PPIP5K2: variants seen among roughly 807,000 people sequenced by gnomAD.
PPIP5K2 encodes the protein inositol hexakisphosphate and diphosphoinositol-pentakisphosphate kinase 2.
Under a neutral mutation model 154.6 loss-of-function variants are expected in PPIP5K2, and 105 were observed. The observed-to-expected ratio is 0.68, with a 90% CI of 0.58 to 0.80. PPIP5K2 has a LOEUF of 0.80. PPIP5K2 is among the 30% of genes least tolerant of loss of function. The probability of loss-of-function intolerance (pLI) is 0.00; values close to 1 mark genes in which losing one functional copy is unlikely to be tolerated. For missense variants in PPIP5K2, 992 were observed against 1,504.6 expected, an observed-to-expected ratio of 0.66 and a Z score of 5.64; for synonymous variants, 480 against 490.3, an observed-to-expected ratio of 0.98 and a Z score of 0.28.
chr5:103,175,617 G>T (rs146812436), intron 21 of PPIP5K2, among the ~76,000 whole-genome samples: 1 of 152,082 alleles, frequency 6.6e-6, no homozygotes, highest in Non-Finnish European at 1.5e-5. Context: ...CCAGTGCCTT[G>T]TATTCTAATT....
In PPIP5K2 at chr5:103,190,558, C is replaced by G. The variant is rs568347279; in HGVS notation, c.3353-284C>G. ...ACTTGTATTTCTTTGTTTTTTTTTC[C>G]CTAGGTTTTTTAAAGTATTATTCTT... On this transcript the variant is annotated intron_variant, in intron 28 of 30. Transcript: ENST00000358359. Among the ~76,000 whole-genome samples, 20 of 151,078 alleles carry G rather than the reference C, an allele frequency of 1.3e-4. No individual in the cohort carries two copies. The East Asian group carries it at 3.3e-3, about 25-fold the overall frequency.
chr5:103,154,088 A>G (rs1554212249), intron 11 of PPIP5K2, among the ~76,000 whole-genome samples, 154 bp downstream of exon 11: 1 of 151,936 alleles, frequency 6.6e-6, no homozygotes, highest in Non-Finnish European at 1.5e-5. Flanking sequence ...TACAAAATCC[A>G]TTTAAAATAT....
intron 30 of PPIP5K2, among the ~76,000 whole-genome samples, chr5:103,199,650 A>G (rs1395363058): frequency 2.6e-5 from 4 of 152,006 alleles, no homozygotes; most frequent in East Asian, 1.9e-4. Context: ...TAATACTCCA[A>G]AAAAGATGTT....
intron 7 of PPIP5K2, 54 bp downstream of exon 7, chr5:103,148,086 T>C (rs1283613446): frequency 1.6e-6 from 2 of 1,228,226 alleles, no homozygotes; most frequent in Non-Finnish European, 1.2e-6. Context: ...ACCAATGATA[T>C]CAGAAAAAGT....
Position 103,202,053 on chromosome 5 carries a change from TGG to T in PPIP5K2, c.*422_*423del, listed in dbSNP as rs1340980363. On this transcript the variant is annotated 3_prime_UTR_variant, in exon 31 of 31. Transcript: ENST00000358359. ...AAATTTGACAGCCAGGGTTACATATTGGGGACTTTTAAAGTGTCTTTCCAAAG... is the reference window on the plus strand; with the variant it reads ...AAATTTGACAGCCAGGGTTACATATTGGACTTTTAAAGTGTCTTTCCAAAG... 6.4e-6 allele frequency: 1 copy of T among 155,526 alleles called. No homozygotes were observed. Among genetic ancestry groups the T allele is most frequent in the Admixed American group, 6.5e-5 (1 of 15,332 alleles). The allele number at this position is 155,526 out of a possible 1,614,324, so 9.6% of individuals were successfully genotyped here.
chr5:103,180,217 C>T (rs781847779), intron 24 of PPIP5K2, 29 bp downstream of exon 24: 1 of 1,496,944 alleles, frequency 6.7e-7, no homozygotes, highest in South Asian at 1.4e-5. Flanking sequence ...ACACATTTTT[C>T]ATACAGTAAA....
chr5:103,148,112 A>G (rs1296852107), intron 7 of PPIP5K2, 80 bp downstream of exon 7: 26 of 968,032 alleles, frequency 2.7e-5, no homozygotes, highest in African/African-American at 5.0e-5. Flanking sequence ...ATCTTTAGCT[A>G]TATCTAACCT....
intron 5 of PPIP5K2, among the ~76,000 whole-genome samples, chr5:103,142,221 C>T (rs1333257185): frequency 6.6e-6 from 1 of 152,196 alleles, no homozygotes; most frequent in Non-Finnish European, 1.5e-5. Context: ...CAGCGCAGCG[C>T]CGGTGGGCTG....
rs115969144 is a variant in PPIP5K2, at chr5:103,207,578, A to G, written c.*5944A>G. Reference sequence around the variant, plus strand: ...TGAATTATATTTAATTTTAAAGTCTATATATATATATATATAGATCCTATC... The same window carrying G: ...TGAATTATATTTAATTTTAAAGTCTGTATATATATATATATAGATCCTATC... On this transcript the variant is annotated 3_prime_UTR_variant, in exon 31 of 31. Transcript: ENST00000358359. 3 of 148,510 alleles carry G rather than the reference A, an allele frequency of 2.0e-5. No homozygotes were observed. In the South Asian group the frequency reaches 6.3e-4, roughly 31 times the overall value. The allele number at this position is 148,510 out of a possible 1,614,324, so 9.2% of individuals were successfully genotyped here.
chr5:103,132,472 G>A lies in PPIP5K2; in HGVS notation c.115-981G>A, dbSNP rs965066234. Among the ~76,000 whole-genome samples the A allele has an allele frequency of 4.6e-5, 7 of 152,104 alleles. No homozygotes were observed. In the East Asian group the frequency reaches 1.3e-3, roughly 29 times the overall value. On this transcript the variant is annotated intron_variant, in intron 2 of 30. Transcript: ENST00000358359. ...GAGGCAGGAGAATTGCTTGAACCCG[G>A]GAGGCGGAGGTTGCAGTGAGCTGAG...
At chr5:103,192,066 TAA>T (rs1361455935) in intron 29 of PPIP5K2, among the ~76,000 whole-genome samples, 2 of 152,112 alleles carry the variant, frequency 1.3e-5, no homozygotes, top group Non-Finnish European at 2.9e-5. Flanking sequence ...ATATTTTGTC[TAA>T]ATGATACCCC....
At chr5:103,131,175 G>A (rs187105868) in intron 2 of PPIP5K2, among the ~76,000 whole-genome samples, 1 of 152,036 alleles carries the variant, frequency 6.6e-6, no homozygotes, top group African/African-American at 2.4e-5. Flanking sequence ...TTACGTTGCT[G>A]TATATACAGT....
intron 27 of PPIP5K2, among the ~76,000 whole-genome samples, chr5:103,187,011 C>T (rs1800490856): frequency 1.3e-5 from 2 of 152,012 alleles, no homozygotes; most frequent in East Asian, 1.9e-4. Context: ...CTTTCAGGAT[C>T]GTCTTTATTT....
chr5:103,125,840 C>T (rs34790), intron 1 of PPIP5K2, among the ~76,000 whole-genome samples: 4,379 of 152,248 alleles, frequency 0.029, 93 homozygotes, highest in Non-Finnish European at 0.045. Context: ...ACCATGTTGG[C>T]CAGACTGGTC....
In PPIP5K2 at chr5:103,161,052, G is replaced by T. The variant is rs527729258; in HGVS notation, c.1920+1724G>T. Among the ~76,000 whole-genome samples, 16 of 151,114 alleles carry T rather than the reference G, an allele frequency of 1.1e-4. No individual in the cohort carries two copies. The South Asian group carries it at 2.9e-3, about 28-fold the overall frequency. ...TATACATGTGCCATGTTGGTGTGCT[G>T]CACCCATTAACTCGTCATTTACATT... On this transcript the variant is annotated intron_variant, in intron 17 of 30. Coordinates refer to ENST00000358359, the MANE Select transcript of PPIP5K2 (RefSeq NM_001276277.3).
Position 103,129,626 on chromosome 5 carries a change from G to T in PPIP5K2, c.37G>T (p.Asp13Tyr). The T allele has an allele frequency of 6.2e-7, 1 of 1,608,704 alleles. No homozygotes were observed. Among genetic ancestry groups the T allele is most frequent in the Non-Finnish European group, 8.5e-7 (1 of 1,178,474 alleles). The change falls in exon 2 of 31, where the codon GAT becomes TAT. Residue 13 changes from aspartate to tyrosine, a missense_variant. Asp to Tyr is a radical substitution (Grantham distance 160). Coordinates refer to ENST00000358359, the MANE Select transcript of PPIP5K2 (RefSeq NM_001276277.3). ...CCCCAGATTCTTCGTTGGACCAGAA[G>T]ATACAGAAATAAATCCTGGAAATTA... ...EAPRFFVGPE[D>Y]TEINPGNYRH...
intron 3 of PPIP5K2, 42 bp from the exon 4 acceptor site, chr5:103,136,690 T>A (rs782077335): frequency 6.7e-7 from 1 of 1,485,384 alleles, no homozygotes; most frequent in African/African-American, 1.4e-5. Context: ...TAGATGCTTA[T>A]CTTGAGATAA....
intron 18 of PPIP5K2, 31 bp from the exon 19 acceptor site, chr5:103,168,041 T>C: frequency 7.2e-7 from 1 of 1,391,990 alleles, no homozygotes. Flanking sequence ...ATTTTTAAGT[T>C]GCATAAACTA....
intron 5 of PPIP5K2, among the ~76,000 whole-genome samples, chr5:103,142,495 G>A (rs1213605090): frequency 1.3e-5 from 2 of 152,224 alleles, no homozygotes; most frequent in Admixed American, 1.3e-4. Context: ...ACAGTGCAGC[G>A]GCGGGACGAA....
Sources: allele counts gnomAD v4.1 joint callset (sites outside exome capture counted in the v4.1 genomes callset), GRCh38; gene constraint gnomAD v4.1.1; transcripts MANE v1.5; gene names NCBI Gene and HGNC (gene_info 2026-07-23, HGNC 2026-07-21).